ADAMTS6: variants seen among roughly 807,000 people sequenced by gnomAD.
The protein encoded by ADAMTS6 is A disintegrin and metalloproteinase with thrombospondin motifs 6.
In ADAMTS6, 23 loss-of-function variants were observed where a neutral mutation model predicts 144.3. The observed-to-expected ratio is 0.16, with a 90% CI of 0.11 to 0.23. ADAMTS6 has a LOEUF of 0.23. Among genes scored for constraint, ADAMTS6 ranks in the 10% least tolerant of loss-of-function variants. ADAMTS6 has a pLI of 1.00. For missense variants in ADAMTS6, 999 were observed against 1,379.6 expected (o/e 0.72, Z 4.37); for synonymous variants, 444 against 457.5 (o/e 0.97, Z 0.38).
intron 15 of ADAMTS6, among the ~76,000 whole-genome samples, chr5:65,228,264 T>C (rs77741394): frequency 0.024 from 3,600 of 152,220 alleles, 135 homozygotes; most frequent in African/African-American, 0.081. Flanking sequence ...AGAAGCTGAG[T>C]CTTCTGTTTA....
At chr5:65,422,362 C>A (rs757459335) in intron 7 of ADAMTS6, among the ~76,000 whole-genome samples, 1 of 152,138 alleles carries the variant, frequency 6.6e-6, no homozygotes, top group Admixed American at 6.5e-5. Flanking sequence ...CCAGGCTTGG[C>A]GGCTCACGCC....
At chr5:65,392,045 C>G (rs1232987120) in intron 7 of ADAMTS6, among the ~76,000 whole-genome samples, 1 of 152,048 alleles carries the variant, frequency 6.6e-6, no homozygotes, top group Non-Finnish European at 1.5e-5. Flanking sequence ...CTGACATTAA[C>G]ATTTTTTAAA....
intron 7 of ADAMTS6, 116 bp downstream of exon 7, chr5:65,451,359 T>C: frequency 9.0e-7 from 1 of 1,114,140 alleles, no homozygotes; most frequent in African/African-American, 1.6e-5. Context: ...AAAAATAAAT[T>C]ACCATTTTGC....
chr5:65,460,467 T>A (rs907025922), intron 3 of ADAMTS6, 129 bp from the exon 4 acceptor site: 1 of 833,910 alleles, frequency 1.2e-6, no homozygotes, highest in Admixed American at 2.9e-5. Context: ...AATAAAAAAA[T>A]TAGCGAATTA....
intron 12 of ADAMTS6, among the ~76,000 whole-genome samples, chr5:65,269,347 T>G (rs781155893): frequency 6.6e-6 from 1 of 152,190 alleles, no homozygotes; most frequent in African/African-American, 2.4e-5. Context: ...CAATCATATA[T>G]GCTTAGCTCA....
At chr5:65,396,860 G>T (rs1190253166) in intron 7 of ADAMTS6, among the ~76,000 whole-genome samples, 1 of 152,134 alleles carries the variant, frequency 6.6e-6, no homozygotes, top group Admixed American at 6.5e-5. Context: ...TCATAGGATG[G>T]GTTCAAAAGC....
intron 22 of ADAMTS6, among the ~76,000 whole-genome samples, chr5:65,185,009 G>C (rs1320357649): frequency 6.6e-6 from 1 of 152,124 alleles, no homozygotes; most frequent in African/African-American, 2.4e-5. Context: ...AAGTGGGGAG[G>C]GGGCAGAAAG....
At chr5:65,275,450 GAA>G in intron 11 of ADAMTS6, among the ~76,000 whole-genome samples, 1 of 149,690 alleles carries the variant, frequency 6.7e-6, no homozygotes, top group Middle Eastern at 3.5e-3. Flanking sequence ...AAAAGAAAGA[GAA>G]AGAAAGAAAG....
chr5:65,285,029 G>A (rs942859157), intron 11 of ADAMTS6, among the ~76,000 whole-genome samples: 4 of 152,242 alleles, frequency 2.6e-5, no homozygotes, highest in East Asian at 3.9e-4. Flanking sequence ...AGTACTCTGC[G>A]TAGGCTGTGT....
At chr5:65,350,157 A>G (rs1041964149) in intron 7 of ADAMTS6, among the ~76,000 whole-genome samples, 2 of 152,184 alleles carry the variant, frequency 1.3e-5, no homozygotes, top group Non-Finnish European at 2.9e-5. Flanking sequence ...ATAGTGTTGT[A>G]AAGGATGTCA....
At chr5:65,472,604 C>CTTCTTAGCTGTACCTTCTTTCAGCTAG (rs1487263203) in intron 2 of ADAMTS6, among the ~76,000 whole-genome samples, 2 of 152,066 alleles carry the variant, frequency 1.3e-5, no homozygotes, top group East Asian at 1.9e-4. Flanking sequence ...TTCCATCTAC[C>CTTCTTAGCTGTACCTTCTTTCAGCTAG]TTCTTAGCTG....
intron 18 of ADAMTS6, among the ~76,000 whole-genome samples, chr5:65,216,020 C>CA (rs574096885): frequency 5.6e-4 from 85 of 151,472 alleles, no homozygotes; most frequent in African/African-American, 1.7e-3. Flanking sequence ...ATTCTTTTGG[C>CA]AAAAAAATGC....
chr5:65,402,758 T>A (rs1047882127), intron 7 of ADAMTS6, among the ~76,000 whole-genome samples: 2 of 151,972 alleles, frequency 1.3e-5, no homozygotes, highest in African/African-American at 2.4e-5. Flanking sequence ...GTTACTACTG[T>A]TTTCCCCCGT....
intron 24 of ADAMTS6, among the ~76,000 whole-genome samples, chr5:65,163,227 T>A (rs556206930): frequency 1.8e-4 from 27 of 152,164 alleles, no homozygotes; most frequent in South Asian, 4.2e-4. Context: ...TTTTTTTTTT[T>A]AAAGATAATT....
intron 7 of ADAMTS6, among the ~76,000 whole-genome samples, chr5:65,423,394 G>C (rs1756237433): frequency 6.6e-6 from 1 of 152,066 alleles, no homozygotes. Context: ...ACTGGACTAA[G>C]AATAAAGTTC....
intron 7 of ADAMTS6, among the ~76,000 whole-genome samples, chr5:65,419,791 T>C (rs768021252): frequency 2.6e-5 from 4 of 152,064 alleles, no homozygotes; most frequent in Non-Finnish European, 4.4e-5. Flanking sequence ...AATATGCAAA[T>C]TGATAGAGAA....
At chr5:65,423,779 T>C (rs987170516) in intron 7 of ADAMTS6, among the ~76,000 whole-genome samples, 1 of 152,164 alleles carries the variant, frequency 6.6e-6, no homozygotes, top group African/African-American at 2.4e-5. Context: ...AAATACAGAA[T>C]GTAAACTATC....
At chr5:65,240,694 C>T (rs1759101053) in intron 15 of ADAMTS6, among the ~76,000 whole-genome samples, 1 of 152,130 alleles carries the variant, frequency 6.6e-6, no homozygotes, top group Admixed American at 6.5e-5. Flanking sequence ...CCTCACCAGA[C>T]TCTAACCATG....
At chr5:65,355,998 C>A (rs1431955675) in intron 7 of ADAMTS6, among the ~76,000 whole-genome samples, 1 of 151,746 alleles carries the variant, frequency 6.6e-6, no homozygotes, top group African/African-American at 2.4e-5. Context: ...AGCTCAAACA[C>A]AAGCACACAC....
Sources: gnomAD v4.1 joint callset for allele counts (sites outside exome capture counted in the v4.1 genomes callset) on GRCh38, gnomAD v4.1.1 for gene constraint, MANE v1.5 for transcripts, NCBI Gene and HGNC (gene_info 2026-07-23, HGNC 2026-07-21) for gene names.